Variants in SCD5 observed in about 807,000 individuals in gnomAD.
The protein encoded by SCD5 is acyl-CoA-desaturase 4.
A neutral mutation model predicts 30.4 loss-of-function variants in SCD5; 20 were observed. The ratio of observed to expected loss-of-function variants is 0.66; its 90% CI spans 0.46 to 0.96. The LOEUF (loss-of-function observed/expected upper bound fraction) is 0.96, where lower values mean the gene tolerates loss of function less well. Among genes scored for constraint, SCD5 ranks in the 40% least tolerant of loss-of-function variants. The pLI is 0.00. For missense variants in SCD5, 381 were observed against 443.3 expected, an observed-to-expected ratio of 0.86 and a Z score of 1.26; for synonymous variants, 173 against 176.4, an observed-to-expected ratio of 0.98 and a Z score of 0.16.
intron 3 of SCD5, among the ~76,000 whole-genome samples, chr4:82,677,115 A>T (rs907517963): frequency 3.3e-5 from 5 of 152,360 alleles, no homozygotes; most frequent in Admixed American, 3.3e-4. Flanking sequence ...TCCTGAGTGG[A>T]CTGAAGGAGG....
At chr4:82,655,431 TG>T (rs1449380680) in intron 3 of SCD5, among the ~76,000 whole-genome samples, 1 of 152,234 alleles carries the variant, frequency 6.6e-6, no homozygotes, top group African/African-American at 2.4e-5. Context: ...TAGCTAGGTT[TG>T]TGCTAAAGTT....
chr4:82,757,180 T>C (rs1482545258), intron 1 of SCD5, among the ~76,000 whole-genome samples: 1 of 152,206 alleles, frequency 6.6e-6, no homozygotes, highest in East Asian at 1.9e-4. Flanking sequence ...CCCGTCACTC[T>C]CTGGTTACCC....
chr4:82,680,938 G>C, intron 2 of SCD5, 26 bp from the exon 3 acceptor site: 1 of 1,600,566 alleles, frequency 6.2e-7, no homozygotes, highest in South Asian at 1.1e-5. Flanking sequence ...GAGCCTGAGT[G>C]AAGAGAGGAA....
At chr4:82,715,145 G>A (rs540816229) in intron 1 of SCD5, among the ~76,000 whole-genome samples, 93 of 151,276 alleles carry the variant, frequency 6.1e-4, no homozygotes, top group Non-Finnish European at 1.0e-3. Flanking sequence ...GCTGAGGCAC[G>A]AGAATTGCTT....
intron 1 of SCD5, among the ~76,000 whole-genome samples, chr4:82,715,345 T>C (rs1300818582): frequency 6.6e-6 from 1 of 151,588 alleles, no homozygotes; most frequent in Non-Finnish European, 1.5e-5. Context: ...GTATTCTCCA[T>C]GCACCCCTGG....
At chr4:82,693,671 C>T (rs1475177367) in intron 2 of SCD5, among the ~76,000 whole-genome samples, 1 of 152,160 alleles carries the variant, frequency 6.6e-6, no homozygotes, top group Non-Finnish European at 1.5e-5. Flanking sequence ...AGAGGCAAGC[C>T]CATGTCCGAG....
At chr4:82,775,671 G>A (rs1021797927) in intron 1 of SCD5, 7 of 152,148 alleles carry the variant, frequency 4.6e-5, no homozygotes, top group African/African-American at 1.7e-4. Context: ...GACCAGCCTG[G>A]GCAACACAGT....
At chr4:82,746,942 G>T (rs13114875) in intron 1 of SCD5, among the ~76,000 whole-genome samples, 1 of 151,616 alleles carries the variant, frequency 6.6e-6, no homozygotes, top group Admixed American at 6.6e-5. Context: ...TTAAGTGGAC[G>T]CAGACACAAG....
At chr4:82,663,367 T>C (rs975396568) in intron 3 of SCD5, among the ~76,000 whole-genome samples, 3 of 152,144 alleles carry the variant, frequency 2.0e-5, no homozygotes, top group African/African-American at 7.2e-5. Flanking sequence ...CACTCAAGCT[T>C]TTCTTTAGGG....
chr4:82,640,866 T>C (rs1270009700), intron 3 of SCD5, among the ~76,000 whole-genome samples: 1 of 152,060 alleles, frequency 6.6e-6, no homozygotes, highest in Non-Finnish European at 1.5e-5. Flanking sequence ...CTTTCGTCAT[T>C]TGGTGATAGG....
intron 3 of SCD5, 67 bp from the exon 4 acceptor site, chr4:82,636,890 C>CTT (rs767323091): frequency 4.2e-4 from 574 of 1,380,152 alleles, no homozygotes; most frequent in Non-Finnish European, 5.2e-4. Context: ...CTGAGCAAGT[C>CTT]ACAGGAAAAG....
intron 1 of SCD5, among the ~76,000 whole-genome samples, chr4:82,735,869 A>T (rs1440076905): frequency 6.6e-6 from 1 of 152,242 alleles, no homozygotes; most frequent in Non-Finnish European, 1.5e-5. Flanking sequence ...GCCCGTGGTT[A>T]AACTGGTTTC....
rs1009852289 is a variant in SCD5 at position 82,726,888 on chromosome 4, G to A, written c.233-21475C>T. On this transcript the variant is annotated intron_variant, in intron 1 of 4. Transcript: ENST00000319540. ...AGCTGTCACAAAGCTGTCCTAATTG[G>A]TCAAGAAAAGGAGACACATCTCCTT... Among the ~76,000 whole-genome samples, 10 of 152,078 alleles carry A rather than the reference G, an allele frequency of 6.6e-5. No individual in the cohort carries two copies. In the South Asian group the frequency reaches 8.3e-4, roughly 13 times the overall value.
At position 82,657,816 on chromosome 4, in the gene SCD5, T is replaced by G. The variant is rs1159250542; in HGVS notation, c.570-20993A>C. Among the ~76,000 whole-genome samples the G allele has an allele frequency of 7.9e-5, 12 of 152,322 alleles. No homozygotes were observed. The South Asian group carries it at 2.5e-3, about 32-fold the overall frequency. On this transcript the variant is annotated intron_variant, in intron 3 of 4. Coordinates refer to ENST00000319540, the MANE Select transcript of SCD5 (RefSeq NM_001037582.3). Reference sequence around the variant, plus strand: ...GTTCTCCTTGAAGAGGTCCTTCACATCCCTTGTGAGTTGTATTCCTAGGTA... The same window carrying G: ...GTTCTCCTTGAAGAGGTCCTTCACAGCCCTTGTGAGTTGTATTCCTAGGTA...
chr4:82,782,423 C>A (rs2148851685), intron 1 of SCD5, among the ~76,000 whole-genome samples: 1 of 152,198 alleles, frequency 6.6e-6, no homozygotes, highest in South Asian at 2.1e-4. Flanking sequence ...ACTCCCATAG[C>A]AGGGCTGGTC....
In SCD5 at chr4:82,696,367, T is replaced by C. The variant is rs72916846; in HGVS notation, c.363+8916A>G. Among the ~76,000 whole-genome samples the C allele has an allele frequency of 4.5e-3, 689 of 152,264 alleles. 7 individuals are homozygous for C. Among genetic ancestry groups the C allele is most frequent in the African/African-American group, 0.016 (645 of 41,550 alleles). On this transcript the variant is annotated intron_variant, in intron 2 of 4. Transcript: ENST00000319540. ...ATTAATGGGAATTGGAACAGGATGA[T>C]TGAAAAGCCTGGACTTTGATAAACA...
chr4:82,725,753 A>G (rs1325662864), intron 1 of SCD5, among the ~76,000 whole-genome samples: 2 of 152,104 alleles, frequency 1.3e-5, no homozygotes, highest in African/African-American at 4.8e-5. Context: ...CCAGCTACCC[A>G]GAAGGCTGAG....
At chr4:82,704,767 T>G (rs1026216352) in intron 2 of SCD5, among the ~76,000 whole-genome samples, 1 of 152,184 alleles carries the variant, frequency 6.6e-6, no homozygotes, top group Admixed American at 6.5e-5. Flanking sequence ...GGACTAGGTG[T>G]TGTAAGAGCA....
Position 82,671,923 on chromosome 4 carries a change from C to A in SCD5, c.569+8784G>T, listed in dbSNP as rs556740803. Among the ~76,000 whole-genome samples, 5 of 152,056 alleles carry A rather than the reference C, an allele frequency of 3.3e-5. No individual in the cohort carries two copies. In the South Asian group the frequency reaches 1.0e-3, roughly 32 times the overall value. On this transcript the variant is annotated intron_variant, in intron 3 of 4. Coordinates refer to ENST00000319540, the MANE Select transcript of SCD5 (RefSeq NM_001037582.3). ...AAGACAACTGGAAAACCCCAAAATA[C>A]ATGGAAATCAAACAACATACTTCTA...
Sources: gnomAD v4.1 joint callset for allele counts (sites outside exome capture counted in the v4.1 genomes callset) on GRCh38, gnomAD v4.1.1 for gene constraint, MANE v1.5 for transcripts, NCBI Gene and HGNC (gene_info 2026-07-23, HGNC 2026-07-21) for gene names.